The following SMYD3 variants were observed in gnomAD, a reference collection of about 807,000 sequenced individuals.
SMYD3 encodes the protein SET and MYND domain containing 3.
SMYD3 carries 36 observed loss-of-function variants against 57.7 expected under a neutral mutation model. The ratio of observed to expected loss-of-function variants is 0.62; its 90% CI spans 0.48 to 0.82. The LOEUF (loss-of-function observed/expected upper bound fraction) is 0.82. Among genes scored for constraint, SMYD3 ranks in the 40% least tolerant of loss-of-function variants. SMYD3 has a pLI of 0.00. For synonymous variants in SMYD3, 211 were observed against 195.0 expected (o/e 1.08, Z -0.68); for missense variants, 515 against 538.8 (o/e 0.96, Z 0.44).
rs1553289394 is a variant in SMYD3 at position 246,102,755 on chromosome 1, A to AATAAT, written c.532-172819_532-172818insATTAT. On this transcript the variant is annotated intron_variant, in intron 5 of 11. Transcript: ENST00000490107. ...AGACCTTGGCTCTCAAAAAAAAAAA[A>AATAAT]AATAATAATAATAATAATCCTACCT... Among the ~76,000 whole-genome samples, 98 of 147,004 alleles carry AATAAT rather than the reference A, an allele frequency of 6.7e-4. 2 individuals carry two copies. In the South Asian group the frequency reaches 0.02, roughly 29 times the overall value.
intron 1 of SMYD3, among the ~76,000 whole-genome samples, chr1:246,475,539 G>A (rs867828282): frequency 2.3e-4 from 35 of 151,744 alleles, no homozygotes; most frequent in Middle Eastern, 3.4e-3. Context: ...CCAGCTACTC[G>A]GGAAACTGAG....
intron 10 of SMYD3, among the ~76,000 whole-genome samples, chr1:245,797,828 CAAAA>C (rs559088835): frequency 9.5e-4 from 104 of 109,416 alleles, no homozygotes; most frequent in Middle Eastern, 5.0e-3. Context: ...TTCCGGGTTC[CAAAA>C]AAAAAAAAAA....
chr1:245,860,752 G>A (rs1357923796), intron 9 of SMYD3, among the ~76,000 whole-genome samples: 2 of 152,224 alleles, frequency 1.3e-5, no homozygotes, highest in Admixed American at 6.5e-5. Context: ...AGTATCTTAG[G>A]CAACGCACTG....
chr1:246,345,974 C>T (rs1053803822), intron 2 of SMYD3, among the ~76,000 whole-genome samples: 1 of 152,108 alleles, frequency 6.6e-6, no homozygotes, highest in Non-Finnish European at 1.5e-5. Context: ...CACCAAAAAC[C>T]CAAGACCTAA....
chr1:245,823,332 C>T (rs568692577), intron 10 of SMYD3, among the ~76,000 whole-genome samples: 14 of 127,708 alleles, frequency 1.1e-4, no homozygotes, highest in Non-Finnish European at 1.6e-4. Flanking sequence ...CACACACACA[C>T]GCGCGCTCGT....
chr1:246,425,403 C>T (rs61839782), intron 1 of SMYD3, among the ~76,000 whole-genome samples: 29,365 of 152,092 alleles, frequency 0.19, 3,534 homozygotes, highest in South Asian at 0.29. Context: ...TACATCTCCA[C>T]AGCACAGATC....
chr1:245,757,393 T>C (rs2045654692), intron 11 of SMYD3, among the ~76,000 whole-genome samples: 1 of 152,170 alleles, frequency 6.6e-6, no homozygotes, highest in Admixed American at 6.5e-5. Flanking sequence ...ATTTTGTTGA[T>C]GGTATCCTTT....
At chr1:245,964,017 G>T (rs562241281) in intron 5 of SMYD3, among the ~76,000 whole-genome samples, 1 of 152,300 alleles carries the variant, frequency 6.6e-6, no homozygotes, top group Admixed American at 6.5e-5. Flanking sequence ...AGATTTATTT[G>T]GCTCACGGCT....
chr1:245,862,283 T>C (rs1016453976), intron 9 of SMYD3, among the ~76,000 whole-genome samples: 4 of 148,918 alleles, frequency 2.7e-5, no homozygotes, highest in African/African-American at 9.7e-5. Flanking sequence ...ATAATCAATA[T>C]TAATGCAGCC....
chr1:246,126,865 TTTCTTTATATTAAAATTGTAACAC>T (rs1307021193), intron 5 of SMYD3, among the ~76,000 whole-genome samples: 3 of 152,220 alleles, frequency 2.0e-5, no homozygotes, highest in African/African-American at 7.2e-5. Flanking sequence ...ATCTTTCTCT[TTTCTTTATATTAAAATTGTAACAC>T]TATTTTAATA....
intron 10 of SMYD3, among the ~76,000 whole-genome samples, chr1:245,779,744 T>C (rs570256558): frequency 2.2e-4 from 34 of 152,334 alleles, no homozygotes; most frequent in African/African-American, 8.2e-4. Flanking sequence ...TTTGTGAAGA[T>C]GTGGAAGAAC....
intron 10 of SMYD3, among the ~76,000 whole-genome samples, chr1:245,772,974 C>T (rs575595060): frequency 2.0e-5 from 3 of 150,662 alleles, no homozygotes; most frequent in Admixed American, 6.7e-5. Context: ...CAACTCCATA[C>T]GAACACAAAC....
intron 5 of SMYD3, among the ~76,000 whole-genome samples, chr1:246,089,285 C>T (rs939545260): frequency 1.3e-5 from 2 of 152,096 alleles, no homozygotes; most frequent in African/African-American, 4.8e-5. Context: ...AGCCACTCGA[C>T]CCTACTTTTA....
At chr1:245,959,207 C>G (rs1057493416) in intron 5 of SMYD3, among the ~76,000 whole-genome samples, 1 of 152,142 alleles carries the variant, frequency 6.6e-6, no homozygotes, top group African/African-American at 2.4e-5. Flanking sequence ...AGTGATTGAC[C>G]TGCCTCAGCC....
Position 246,350,748 on chromosome 1 carries a change from T to C in SMYD3, c.228+4283A>G, listed in dbSNP as rs547902956. ...CTGGAGACGGAGTCTTGAGAAGGAT[T>C]AATATACAGATGCCACTTGAAGTCA... is the stretch of plus-strand genomic sequence containing the variant. On this transcript the variant is annotated intron_variant, in intron 2 of 11. Transcript: ENST00000490107. 3.3e-5 allele frequency among the ~76,000 whole-genome samples: 5 copies of C among 152,234 alleles called. No homozygotes were observed. In the East Asian group the frequency reaches 9.6e-4, roughly 29 times the overall value.
intron 5 of SMYD3, among the ~76,000 whole-genome samples, chr1:246,161,418 G>A (rs562235886): frequency 5.9e-5 from 9 of 152,154 alleles, no homozygotes; most frequent in South Asian, 4.2e-4. Flanking sequence ...GGCTGAACCC[G>A]TTTTCATCAG....
At chr1:246,043,828 C>A (rs2059917986) in intron 5 of SMYD3, among the ~76,000 whole-genome samples, 1 of 152,192 alleles carries the variant, frequency 6.6e-6, no homozygotes, top group African/African-American at 2.4e-5. Flanking sequence ...TCCTCCCAAA[C>A]ACTGGAGTTG....
Position 246,371,122 on chromosome 1 carries a change from GAGCAAATTA to G in SMYD3, c.165-16037_165-16029del, listed in dbSNP as rs577400125. Reference sequence around the variant, plus strand: ...AAGGTAATGTCTGTAACAAGCTAAGGAGCAAATTAAAACGCCAGGGTCCTTATGTTTTAT... The same window carrying G: ...AAGGTAATGTCTGTAACAAGCTAAGGAAACGCCAGGGTCCTTATGTTTTAT... On this transcript the variant is annotated intron_variant, in intron 1 of 11. Coordinates refer to ENST00000490107, the MANE Select transcript of SMYD3 (RefSeq NM_001167740.2). Among the ~76,000 whole-genome samples the G allele has an allele frequency of 5.6e-3, 855 of 152,234 alleles. 6 individuals carry two copies. Among genetic ancestry groups the G allele is most frequent in the Non-Finnish European group, 0.01 (695 of 68,002 alleles).
At chr1:246,031,915 C>T (rs976563671) in intron 5 of SMYD3, among the ~76,000 whole-genome samples, 2 of 152,070 alleles carry the variant, frequency 1.3e-5, no homozygotes, top group African/African-American at 4.8e-5. Flanking sequence ...AACCACCCTG[C>T]CTTTGTTTAA....
Sources: allele counts gnomAD v4.1 joint callset (sites outside exome capture counted in the v4.1 genomes callset), GRCh38; gene constraint gnomAD v4.1.1; transcripts MANE v1.5; gene names NCBI Gene and HGNC (gene_info 2026-07-23, HGNC 2026-07-21).